Variants in HSF2BP observed in about 807,000 individuals in gnomAD.
HSF2BP encodes heat shock factor 2-binding protein.
Under a neutral mutation model 35.0 loss-of-function variants are expected in HSF2BP, and 35 were observed. That is an observed-to-expected ratio of 1.00 (90% confidence interval 0.76 to 1.32). The LOEUF is 1.32. HSF2BP is among the 40% of genes most tolerant of loss of function. HSF2BP has a pLI of 0.00. For missense variants in HSF2BP, 326 were observed against 321.7 expected, an observed-to-expected ratio of 1.01 and a Z score of -0.10; for synonymous variants, 114 against 117.4, an observed-to-expected ratio of 0.97 and a Z score of 0.18.
intron 6 of HSF2BP, among the ~76,000 whole-genome samples, chr21:43,622,393 G>T (rs769799176): frequency 5.9e-5 from 9 of 152,040 alleles, no homozygotes; most frequent in Non-Finnish European, 8.8e-5. Flanking sequence ...TGGCTGAATG[G>T]AAAGAAACAA....
intron 8 of HSF2BP, among the ~76,000 whole-genome samples, chr21:43,587,216 A>G (rs1454642487): frequency 6.6e-6 from 1 of 152,204 alleles, no homozygotes; most frequent in Non-Finnish European, 1.5e-5. Context: ...ATAACTCAGG[A>G]GTCAAACATC....
intron 8 of HSF2BP, among the ~76,000 whole-genome samples, chr21:43,581,385 CAA>C (rs200342542): frequency 1.0e-4 from 11 of 105,638 alleles, no homozygotes; most frequent in Non-Finnish European, 1.0e-4. Flanking sequence ...GACTCTGTCT[CAA>C]AAAAAAAAAA....
chr21:43,588,292 C>T (rs540897355), intron 8 of HSF2BP, among the ~76,000 whole-genome samples: 26 of 152,124 alleles, frequency 1.7e-4, no homozygotes, highest in Admixed American at 3.3e-4. Flanking sequence ...GCAGGAGAAT[C>T]GCTTGAACCC....
rs373924702 is a variant in HSF2BP at position 43,606,057 on chromosome 21, G to A, written c.692+7773C>T. ...GCAGCAGGAAGTAAAGCCGCCTGCCGGGACACCCACCTACCAAGGAAGAGC... is the reference window on the plus strand; with the variant it reads ...GCAGCAGGAAGTAAAGCCGCCTGCCAGGACACCCACCTACCAAGGAAGAGC... On this transcript the variant is annotated intron_variant, in intron 7 of 8. Transcript: ENST00000291560. 3.9e-4 allele frequency among the ~76,000 whole-genome samples: 59 copies of A among 152,218 alleles called. 1 individual carries two copies. The highest frequency in any genetic ancestry group is 3.1e-3 in the East Asian group (16 of 5,180).
intron 8 of HSF2BP, among the ~76,000 whole-genome samples, chr21:43,573,635 C>T (rs1340998539): frequency 6.6e-6 from 1 of 152,194 alleles, no homozygotes; most frequent in Non-Finnish European, 1.5e-5. Context: ...AGGGCAATGA[C>T]CAGGACTTGG....
intron 6 of HSF2BP, among the ~76,000 whole-genome samples, chr21:43,618,778 T>C (rs947265305): frequency 8.3e-6 from 1 of 120,890 alleles, no homozygotes; most frequent in Non-Finnish European, 1.8e-5. Flanking sequence ...CTACTAAAAA[T>C]ACAAAAAAAA....
intron 6 of HSF2BP, 130 bp from the exon 7 acceptor site, chr21:43,614,077 G>C: frequency 1.4e-6 from 1 of 694,734 alleles, no homozygotes; most frequent in Non-Finnish European, 2.5e-6. Context: ...ATTTATAAAT[G>C]AAATTGCTAG....
intron 8 of HSF2BP, among the ~76,000 whole-genome samples, chr21:43,583,298 T>TGGTGGATGAGGGCCTGGTGA (rs2081786588): frequency 7.3e-5 from 1 of 13,782 alleles, no homozygotes; most frequent in Non-Finnish European, 1.2e-4. Flanking sequence ...AGACCTGCTG[T>TGGTGGATGAGGGCCTGGTGA]GGGGGATGAG....
At chr21:43,653,007 C>T (rs1187625168) in intron 3 of HSF2BP, among the ~76,000 whole-genome samples, 3 of 152,098 alleles carry the variant, frequency 2.0e-5, no homozygotes, top group East Asian at 1.9e-4. Context: ...TGGTGGCACA[C>T]ACCTGTAATC....
chr21:43,588,175 T>C (rs2081880544), intron 8 of HSF2BP, among the ~76,000 whole-genome samples: 1 of 152,056 alleles, frequency 6.6e-6, no homozygotes, highest in African/African-American at 2.4e-5. Flanking sequence ...GTCAGGAGTT[T>C]GAGACCAGCC....
intron 6 of HSF2BP, among the ~76,000 whole-genome samples, chr21:43,614,535 G>A (rs774922118): frequency 1.3e-4 from 20 of 152,160 alleles, no homozygotes; most frequent in Non-Finnish European, 2.6e-4. Context: ...CCAGAGTGCT[G>A]CATTAAACAG....
intron 4 of HSF2BP, among the ~76,000 whole-genome samples, chr21:43,641,574 A>G (rs1299049103): frequency 6.6e-6 from 1 of 152,158 alleles, no homozygotes; most frequent in Admixed American, 6.5e-5. Context: ...TTTGGGTTCC[A>G]TACTTTGTTT....
intron 8 of HSF2BP, among the ~76,000 whole-genome samples, chr21:43,578,932 C>T (rs993167160): frequency 6.6e-6 from 1 of 152,182 alleles, no homozygotes; most frequent in Non-Finnish European, 1.5e-5. Context: ...CGGCCAGGAC[C>T]GCCTCTGGGA....
intron 7 of HSF2BP, among the ~76,000 whole-genome samples, chr21:43,600,366 G>A (rs1430213305): frequency 6.6e-6 from 1 of 152,220 alleles, no homozygotes; most frequent in Admixed American, 6.5e-5. Context: ...TCAGAAACAA[G>A]CCAATCAGTG....
chr21:43,626,179 A>T (rs565990055), intron 6 of HSF2BP, among the ~76,000 whole-genome samples: 1 of 152,340 alleles, frequency 6.6e-6, no homozygotes, highest in African/African-American at 2.4e-5. Context: ...CCACCCCGCA[A>T]GAACTATCAT....
chr21:43,653,080 T>C (rs932052874), intron 3 of HSF2BP, among the ~76,000 whole-genome samples: 6 of 151,118 alleles, frequency 4.0e-5, no homozygotes, highest in Admixed American at 2.0e-4. Context: ...GGTTGCAGGG[T>C]TGCAGTGAGC....
At chr21:43,658,368 A>G in intron 1 of HSF2BP, 48 bp from the exon 2 acceptor site, 1 of 506,416 alleles carries the variant, frequency 2.0e-6, no homozygotes. Flanking sequence ...GTCAAGTAAA[A>G]TAAATCGGAT....
chr21:43,650,380 T>C (rs539498806), intron 3 of HSF2BP, among the ~76,000 whole-genome samples: 11 of 152,140 alleles, frequency 7.2e-5, no homozygotes, highest in Non-Finnish European at 1.5e-4. Flanking sequence ...CTAATTTTTG[T>C]ATTTTTAGTA....
In HSF2BP at chr21:43,644,537, T is replaced by C; in HGVS notation, c.188-145A>G. 4.8e-6 allele frequency: 3 copies of C among 625,782 alleles called. No individual in the cohort carries two copies. In the Admixed American group the frequency reaches 7.9e-5, roughly 16 times the overall value. The allele number at this position is 625,782 out of a possible 1,614,324, so 38.8% of individuals were successfully genotyped here. The stretch of plus-strand genomic sequence containing the variant: ...GCATTTCTTGACTTCTAGCCTGTCC[T>C]TGAATAACCAATATTCTAACAGTCC... On this transcript the variant is annotated intron_variant, in intron 3 of 8. Transcript: ENST00000291560.
Sources: allele counts gnomAD v4.1 joint callset (sites outside exome capture counted in the v4.1 genomes callset), GRCh38; gene constraint gnomAD v4.1.1; transcripts MANE v1.5; gene names NCBI Gene and HGNC (gene_info 2026-07-23, HGNC 2026-07-21).